APP: variants seen among roughly 807,000 people sequenced by gnomAD.
APP encodes amyloid beta precursor protein.
Under a neutral mutation model 101.4 loss-of-function variants are expected in APP, and 31 were observed. The ratio of observed to expected loss-of-function variants is 0.31; its 90% confidence interval spans 0.23 to 0.41. APP has a LOEUF of 0.41. APP is among the 10% of genes least tolerant of loss of function. The pLI, the probability that APP is intolerant of heterozygous loss-of-function variation, is 1.00. For synonymous variants in APP, 366 were observed against 364.4 expected, an observed-to-expected ratio of 1.00 and a Z score of -0.05; for missense variants, 839 against 1,003.7, an observed-to-expected ratio of 0.84 and a Z score of 2.22.
rs369066795 is a variant in APP at position 25,994,449 on chromosome 21, C to T, written c.1090+2911G>A. On this transcript the variant is annotated intron_variant, in intron 8 of 17. Transcript: ENST00000346798. ...ACAATAAAATATGTCCCTAAAATTG[C>T]AATGCTCAAAATTGGTTTTTATGAC... Among the ~76,000 whole-genome samples, 18 of 152,146 alleles carry T rather than the reference C, an allele frequency of 1.2e-4. No homozygotes were observed. The South Asian group carries it at 1.2e-3, about 11-fold the overall frequency.
rs764443273 is a variant in APP, at chr21:25,999,996, C to T, written c.1033+19G>A. Reference sequence around the variant, plus strand: ...GAGAGAGACGAAAGGTGGCCAGGCTCGAAGAAGGGTCCACTTACTGGCGCT... The same window carrying T: ...GAGAGAGACGAAAGGTGGCCAGGCTTGAAGAAGGGTCCACTTACTGGCGCT... On this transcript the variant is annotated intron_variant, in intron 7 of 17. Coordinates refer to ENST00000346798, the MANE Select transcript of APP (RefSeq NM_000484.4). 15 of 1,613,312 alleles carry T rather than the reference C, an allele frequency of 9.3e-6. No homozygotes were observed. Among genetic ancestry groups the T allele is most frequent in the Admixed American group, 8.3e-5 (5 of 59,956 alleles).
intron 3 of APP, among the ~76,000 whole-genome samples, chr21:26,064,887 TCTGTCGCCCAGG>T (rs2046400137): frequency 6.6e-6 from 1 of 152,162 alleles, no homozygotes; most frequent in South Asian, 2.1e-4. Flanking sequence ...AGAGTCTCAT[TCTGTCGCCCAGG>T]CTGGAGTGCA....
intron 3 of APP, 86 bp from the exon 4 acceptor site, chr21:26,053,434 A>T: frequency 9.9e-7 from 1 of 1,013,188 alleles, no homozygotes; most frequent in Non-Finnish European, 1.6e-6. Context: ...GATAGACTTC[A>T]AGACAAGTTA....
rs139719785 is a variant in APP, at chr21:25,969,658, A to G, written c.1458+5412T>C. 6.1e-4 allele frequency among the ~76,000 whole-genome samples: 93 copies of G among 151,832 alleles called. 2 individuals carry two copies. In the East Asian group the frequency reaches 0.015, roughly 24 times the overall value. ...AGTTCAAGACTAGCCTGGGTAACAC[A>G]GCGAGACCCTGTCTTTACAAAAATT... On this transcript the variant is annotated intron_variant, in intron 11 of 17. Transcript: ENST00000346798.
intron 1 of APP, among the ~76,000 whole-genome samples, chr21:26,169,773 T>G (rs1393078488): frequency 1.3e-5 from 2 of 152,210 alleles, no homozygotes; most frequent in East Asian, 1.9e-4. Flanking sequence ...GCGGACCTTC[T>G]GCCTCTCAGA....
intron 8 of APP, among the ~76,000 whole-genome samples, chr21:25,988,144 TG>T: frequency 6.6e-6 from 1 of 152,210 alleles, no homozygotes; most frequent in South Asian, 2.1e-4. Flanking sequence ...GGCAGGCAGA[TG>T]ACAAAACTAG....
At chr21:26,041,340 T>C (rs2146864395) in intron 5 of APP, among the ~76,000 whole-genome samples, 1 of 152,296 alleles carries the variant, frequency 6.6e-6, no homozygotes, top group East Asian at 1.9e-4. Context: ...ATCCAGATGG[T>C]TTCAACAAGA....
At chr21:25,890,598 G>T (rs2037626045) in intron 17 of APP, among the ~76,000 whole-genome samples, 1 of 152,008 alleles carries the variant, frequency 6.6e-6, no homozygotes, top group African/African-American at 2.4e-5. Flanking sequence ...AATTAGCCGG[G>T]CATGGTGGCG....
At chr21:26,098,959 T>C (rs1314752446) in intron 2 of APP, among the ~76,000 whole-genome samples, 1 of 152,198 alleles carries the variant, frequency 6.6e-6, no homozygotes, top group Non-Finnish European at 1.5e-5. Flanking sequence ...GGAAAAAACC[T>C]GCATTCCAGA....
intron 2 of APP, among the ~76,000 whole-genome samples, chr21:26,110,445 C>CA (rs922624834): frequency 8.9e-4 from 133 of 148,748 alleles, no homozygotes; most frequent in Non-Finnish European, 3.7e-4. Context: ...GATGTCATCT[C>CA]AAAAAAAAAC....
At chr21:26,013,344 G>A (rs987082302) in intron 6 of APP, among the ~76,000 whole-genome samples, 2 of 151,908 alleles carry the variant, frequency 1.3e-5, no homozygotes, top group African/African-American at 4.8e-5. Flanking sequence ...AAAAAAGTGT[G>A]CCCATGTAAA....
intron 5 of APP, among the ~76,000 whole-genome samples, chr21:26,026,613 A>G (rs961600254): frequency 6.6e-6 from 1 of 152,204 alleles, no homozygotes; most frequent in African/African-American, 2.4e-5. Context: ...CACCATTTGT[A>G]TTTTCTAAGA....
intron 16 of APP, among the ~76,000 whole-genome samples, chr21:25,892,676 T>C (rs967785060): frequency 2.0e-5 from 3 of 152,210 alleles, no homozygotes; most frequent in African/African-American, 7.2e-5. Flanking sequence ...ATAAAAATAA[T>C]TTTGAGAACA....
chr21:25,950,110 C>T (rs1244776394), intron 13 of APP, among the ~76,000 whole-genome samples: 3 of 152,194 alleles, frequency 2.0e-5, no homozygotes. Flanking sequence ...TATCAGTCTC[C>T]ACTCTTACCC....
At position 25,886,311 on chromosome 21, in the gene APP, TATA is replaced by T. The variant is rs140910770; in HGVS notation, c.2212-4543_2212-4541del. Among the ~76,000 whole-genome samples the T allele has an allele frequency of 5.2e-3, 792 of 152,292 alleles. 9 individuals carry two copies. The highest frequency in any genetic ancestry group is 0.018 in the African/African-American group (740 of 41,566). On this transcript the variant is annotated intron_variant, in intron 17 of 17. Coordinates refer to ENST00000346798, the MANE Select transcript of APP (RefSeq NM_000484.4). The stretch of plus-strand genomic sequence containing the variant: ...TTGATGCCATCTCTCTATAGTTATA[TATA>T]ACTAGAAGGCAGTTGACTATGTTTA...
At chr21:25,999,201 A>G (rs1175274132) in intron 7 of APP, among the ~76,000 whole-genome samples, 1 of 152,172 alleles carries the variant, frequency 6.6e-6, no homozygotes, top group East Asian at 1.9e-4. Flanking sequence ...CTGAGGCAGG[A>G]GAATCACTTG....
chr21:26,043,494 G>A (rs867936026), intron 5 of APP, among the ~76,000 whole-genome samples: 55 of 151,570 alleles, frequency 3.6e-4, no homozygotes, highest in African/African-American at 1.3e-3. Flanking sequence ...GCCTCCCAAA[G>A]TGCTGGGATT....
At chr21:25,998,795 T>C (rs1383997777) in intron 7 of APP, among the ~76,000 whole-genome samples, 1 of 151,518 alleles carries the variant, frequency 6.6e-6, no homozygotes, top group Non-Finnish European at 1.5e-5. Flanking sequence ...CAACAACAAA[T>C]AAATAAATAA....
At chr21:25,909,579 GTA>G (rs1348333640) in intron 14 of APP, among the ~76,000 whole-genome samples, 4 of 151,982 alleles carry the variant, frequency 2.6e-5, no homozygotes, top group African/African-American at 4.8e-5. Context: ...GGTTCACAGT[GTA>G]TGTGTGTGTG....
Sources: allele counts gnomAD v4.1 joint callset (sites outside exome capture counted in the v4.1 genomes callset), GRCh38; gene constraint gnomAD v4.1.1; transcripts MANE v1.5; gene names NCBI Gene and HGNC (gene_info 2026-07-23, HGNC 2026-07-21).